Variants in RASAL2 observed in about 807,000 individuals in gnomAD.
The protein encoded by RASAL2 is RAS protein activator like 2, also known as ras GTPase-activating protein nGAP.
RASAL2 carries 58 observed loss-of-function variants against 128.9 expected under a neutral mutation model. The observed-to-expected ratio is 0.45, with a 90% confidence interval of 0.36 to 0.56. RASAL2 has a LOEUF of 0.56. Among genes scored for constraint, RASAL2 ranks in the 20% least tolerant of loss-of-function variants. The pLI is 0.00. For missense variants in RASAL2, 1,360 were observed against 1,601.6 expected (o/e 0.85, Z 2.57); for synonymous variants, 561 against 580.8 (o/e 0.97, Z 0.49).
rs576676467 is a variant in RASAL2 at position 178,183,842 on chromosome 1, A to G, written c.202+89148A>G. On this transcript the variant is annotated intron_variant, in intron 1 of 17. Coordinates refer to ENST00000367649, the MANE Select transcript of RASAL2 (RefSeq NM_170692.4). ...AAATACCTAGGAGCATGATTGCTGG[A>G]TTATGTAGTAAGACTGTGTTTAACT... is the stretch of plus-strand genomic sequence containing the variant. Among the ~76,000 whole-genome samples the G allele has an allele frequency of 6.5e-4, 99 of 152,326 alleles. No homozygotes were observed. In the South Asian group the frequency reaches 0.013, roughly 19 times the overall value.
intron 5 of RASAL2, among the ~76,000 whole-genome samples, chr1:178,424,667 C>G (rs559728511): frequency 5.0e-4 from 76 of 152,016 alleles, no homozygotes; most frequent in Admixed American, 6.6e-4. Flanking sequence ...TTGTCATGTT[C>G]CCTAGGCTGG....
intron 3 of RASAL2, among the ~76,000 whole-genome samples, chr1:178,370,547 T>G (rs1196792255): frequency 6.6e-6 from 1 of 152,208 alleles, no homozygotes; most frequent in Admixed American, 6.5e-5. Context: ...TTTCGACAAT[T>G]TTTATTTTCT....
At position 178,458,627 on chromosome 1, in the gene RASAL2, C is replaced by T. The variant is rs577323823; in HGVS notation, c.3252+83C>T. On this transcript the variant is annotated intron_variant, in intron 14 of 17. Coordinates refer to ENST00000367649, the MANE Select transcript of RASAL2 (RefSeq NM_170692.4). ...CTTTATACATAAATCATTGGGAAAT[C>T]CTATTGTTAACAAGATTTCCTCTTA... is the stretch of plus-strand genomic sequence containing the variant. 20 of 1,473,566 alleles carry T rather than the reference C, an allele frequency of 1.4e-5. No homozygotes were observed. In the South Asian group the frequency reaches 1.9e-4, roughly 14 times the overall value. 91.3% of individuals were successfully genotyped at this position (1,473,566 alleles called of 1,614,324 possible).
intron 3 of RASAL2, among the ~76,000 whole-genome samples, chr1:178,315,801 C>T (rs1459536858): frequency 1.5e-5 from 2 of 133,996 alleles, no homozygotes; most frequent in Non-Finnish European, 3.1e-5. Flanking sequence ...TTAATTAGAT[C>T]CCATTTGTCA....
intron 1 of RASAL2, among the ~76,000 whole-genome samples, chr1:178,268,370 A>G (rs992336506): frequency 5.9e-5 from 9 of 152,158 alleles, no homozygotes; most frequent in African/African-American, 2.2e-4. Flanking sequence ...TGGGAGGCTG[A>G]GGCAGGAGAA....
At chr1:178,356,016 A>G (rs1209431450) in intron 3 of RASAL2, among the ~76,000 whole-genome samples, 1 of 152,040 alleles carries the variant, frequency 6.6e-6, no homozygotes, top group Non-Finnish European at 1.5e-5. Flanking sequence ...TGAAAATACA[A>G]AAAATTAGCC....
chr1:178,357,590 G>A (rs1413377058), intron 3 of RASAL2, among the ~76,000 whole-genome samples: 2 of 151,830 alleles, frequency 1.3e-5, no homozygotes, highest in African/African-American at 4.8e-5. Context: ...CCAAATGAAT[G>A]GTAGTATCAA....
At chr1:178,374,082 AG>A (rs573536995) in intron 3 of RASAL2, among the ~76,000 whole-genome samples, 56 of 152,262 alleles carry the variant, frequency 3.7e-4, no homozygotes, top group African/African-American at 1.2e-3. Context: ...AAGCTGTGAA[AG>A]TCAGCAAATC....
intron 3 of RASAL2, among the ~76,000 whole-genome samples, chr1:178,320,171 G>T (rs1241955392): frequency 6.6e-6 from 1 of 151,844 alleles, no homozygotes; most frequent in Non-Finnish European, 1.5e-5. Context: ...CCAGCTGCGT[G>T]CTGGGAGAAC....
intron 1 of RASAL2, among the ~76,000 whole-genome samples, chr1:178,099,014 TTA>T (rs1658794225): frequency 1.3e-5 from 2 of 152,210 alleles, no homozygotes; most frequent in African/African-American, 4.8e-5. Flanking sequence ...TCTGGTTGTA[TTA>T]TATGATACTG....
chr1:178,279,999 G>A (rs1444716099), intron 1 of RASAL2, among the ~76,000 whole-genome samples: 1 of 152,040 alleles, frequency 6.6e-6, no homozygotes, highest in Non-Finnish European at 1.5e-5. Context: ...CACATACATG[G>A]GGTGAAAGAT....
At chr1:178,115,677 T>A (rs1204342966) in intron 1 of RASAL2, among the ~76,000 whole-genome samples, 1 of 152,146 alleles carries the variant, frequency 6.6e-6, no homozygotes, top group Non-Finnish European at 1.5e-5. Context: ...GTCTGGAAGG[T>A]GATGCCTGGT....
At chr1:178,335,736 G>A (rs919548520) in intron 3 of RASAL2, among the ~76,000 whole-genome samples, 3 of 152,010 alleles carry the variant, frequency 2.0e-5, no homozygotes, top group Non-Finnish European at 2.9e-5. Context: ...GCACATAAGT[G>A]GAATGTCCTT....
intron 8 of RASAL2, 93 bp from the exon 9 acceptor site, chr1:178,445,424 CA>C: frequency 7.5e-7 from 1 of 1,337,002 alleles, no homozygotes; most frequent in East Asian, 2.5e-5. Flanking sequence ...AGTTTTAAAG[CA>C]GCATTTCCAG....
chr1:178,366,980 T>C (rs993009292), intron 3 of RASAL2, among the ~76,000 whole-genome samples: 8 of 152,182 alleles, frequency 5.3e-5, no homozygotes, highest in Non-Finnish European at 1.2e-4. Context: ...ATGAAAATGT[T>C]CTGTAATTAA....
At chr1:178,248,654 T>A (rs550967105) in intron 1 of RASAL2, among the ~76,000 whole-genome samples, 10 of 152,258 alleles carry the variant, frequency 6.6e-5, no homozygotes, top group Non-Finnish European at 1.5e-4. Context: ...TCTTTATATT[T>A]TGTTATGTTT....
intron 1 of RASAL2, among the ~76,000 whole-genome samples, chr1:178,158,557 A>G (rs1428290929): frequency 6.6e-6 from 1 of 152,210 alleles, no homozygotes; most frequent in Admixed American, 6.5e-5. Context: ...TAGGGAAAAT[A>G]TTATTTTTGA....
intron 3 of RASAL2, among the ~76,000 whole-genome samples, chr1:178,317,240 G>A (rs1668530943): frequency 7.4e-6 from 1 of 135,504 alleles, no homozygotes; most frequent in Non-Finnish European, 1.5e-5. Flanking sequence ...CAAGGATATT[G>A]GTCTAAAATT....
rs530064523 is a variant in RASAL2, at chr1:178,478,342, T to C, written c.*5103T>C. The C allele has an allele frequency of 2.6e-5, 4 of 152,344 alleles. No individual in the cohort carries two copies. The East Asian group carries it at 7.7e-4, about 29-fold the overall frequency. The allele number at this position is 152,344 out of a possible 1,614,324, so 9.4% of individuals were successfully genotyped here. A position where few individuals can be genotyped will look rare whatever the true frequency, so the allele number is the denominator to read the frequency against. ...ATTCCCAGTTCAACAAAAGGTTAAATACTAATTGACTCAATGACCACCTTC... is the reference window on the plus strand; with the variant it reads ...ATTCCCAGTTCAACAAAAGGTTAAACACTAATTGACTCAATGACCACCTTC... On this transcript the variant is annotated 3_prime_UTR_variant, in exon 18 of 18. Transcript: ENST00000367649.
Sources: gnomAD v4.1 joint callset for allele counts (sites outside exome capture counted in the v4.1 genomes callset) on GRCh38, gnomAD v4.1.1 for gene constraint, MANE v1.5 for transcripts, NCBI Gene and HGNC (gene_info 2026-07-23, HGNC 2026-07-21) for gene names.